The following ARMH4 variants were observed in gnomAD, a reference collection of about 807,000 sequenced individuals.
The protein encoded by ARMH4 is armadillo like helical domain containing 4.
A neutral mutation model predicts 61.9 loss-of-function variants in ARMH4; 49 were observed. The ratio of observed to expected loss-of-function variants is 0.79; its 90% confidence interval spans 0.63 to 1.00. The LOEUF is 1.00. Ranked by LOEUF, ARMH4 falls within the 50% of genes least tolerant of loss-of-function variation. The pLI is 0.00. For missense variants in ARMH4, 934 were observed against 930.0 expected (o/e 1.00, Z -0.06); for synonymous variants, 368 against 341.5 (o/e 1.08, Z -0.85).
chr14:58,061,675 T>A (rs909866552), intron 5 of ARMH4, among the ~76,000 whole-genome samples: 5 of 152,134 alleles, frequency 3.3e-5, no homozygotes, highest in African/African-American at 1.2e-4. Context: ...CGTGTGGGGT[T>A]TTTTGCAGCA....
chr14:58,090,196 T>A (rs999570053), intron 5 of ARMH4, among the ~76,000 whole-genome samples: 10 of 152,154 alleles, frequency 6.6e-5, no homozygotes, highest in African/African-American at 2.4e-4. Context: ...AACCAATAGA[T>A]TTATCCACCT....
At chr14:58,006,083 G>A (rs1210947270) in intron 6 of ARMH4, among the ~76,000 whole-genome samples, 2 of 152,100 alleles carry the variant, frequency 1.3e-5, no homozygotes, top group Admixed American at 6.6e-5. Context: ...GATGATCCCT[G>A]GACTTGAGTA....
intron 3 of ARMH4, among the ~76,000 whole-genome samples, chr14:58,132,462 C>A (rs1398690483): frequency 8.1e-6 from 1 of 123,174 alleles, no homozygotes; most frequent in Non-Finnish European, 1.6e-5. Context: ...TTCACCTCAT[C>A]CCCCCCGGCT....
Position 58,139,206 on chromosome 14 carries a change from G to T in ARMH4, c.153C>A (p.Asn51Lys). 2 of 1,614,208 alleles carry T rather than the reference G, an allele frequency of 1.2e-6. No homozygotes were observed. Among genetic ancestry groups the T allele is most frequent in the Non-Finnish European group, 1.7e-6 (2 of 1,180,024 alleles). ...CAGAGCTATTTTCTAGGTCATCGGT[G>T]TTCATCTTATCGGACTGCCCTTTTT... ...HAEKGQSDKM[N>K]TDDLENSSVT... Residue 51 changes from asparagine to lysine, a missense_variant, in exon 2 of 8, where the codon AAC becomes AAA. Asn to Lys is a moderately conservative substitution (Grantham distance 94). Transcript: ENST00000267485.
At chr14:58,140,055 G>C (rs945201140) in intron 1 of ARMH4, among the ~76,000 whole-genome samples, 1 of 151,166 alleles carries the variant, frequency 6.6e-6, no homozygotes, top group African/African-American at 2.4e-5. Flanking sequence ...GATCACCTGA[G>C]GTCAGGAGTT....
chr14:58,030,895 C>A (rs1369036696), intron 5 of ARMH4, among the ~76,000 whole-genome samples: 1 of 152,138 alleles, frequency 6.6e-6, no homozygotes. Context: ...CTCGGGGTAC[C>A]TCCACATTGC....
At chr14:58,021,739 G>A (rs1396928263) in intron 5 of ARMH4, among the ~76,000 whole-genome samples, 2 of 152,190 alleles carry the variant, frequency 1.3e-5, no homozygotes, top group Admixed American at 6.5e-5. Context: ...GACAGGTAGG[G>A]AATGGTCAGA....
rs569616325 is a variant in ARMH4 at position 58,086,294 on chromosome 14, G to A, written c.2089+10430C>T. Among the ~76,000 whole-genome samples, 7 of 152,286 alleles carry A rather than the reference G, an allele frequency of 4.6e-5. No homozygotes were observed. In the East Asian group the frequency reaches 1.2e-3, roughly 25 times the overall value. On this transcript the variant is annotated intron_variant, in intron 5 of 7. Transcript: ENST00000267485. ...TCCAAAAATAAAAAATAAAATGTTA[G>A]GTGATGTTCTGGAAAAAACTAGCCT...
intron 4 of ARMH4, among the ~76,000 whole-genome samples, chr14:58,124,884 C>T (rs1886845644): frequency 6.6e-6 from 1 of 152,194 alleles, no homozygotes; most frequent in South Asian, 2.1e-4. Flanking sequence ...ATAGCCCTCA[C>T]TTGGGCACTA....
chr14:58,047,222 C>A (rs185324749), intron 5 of ARMH4, among the ~76,000 whole-genome samples: 2 of 152,270 alleles, frequency 1.3e-5, no homozygotes, highest in African/African-American at 4.8e-5. Context: ...GAAAAGTTGT[C>A]CAAATAATCC....
rs761973064 is a variant in ARMH4, at chr14:58,138,729, C to G, written c.630G>C (p.Val210=). Residue 210 remains valine, a synonymous_variant, in exon 2 of 8, where the codon GTG becomes GTC. Coordinates refer to ENST00000267485, the MANE Select transcript of ARMH4 (RefSeq NM_001001872.4). Reference sequence around the variant, plus strand: ...TGGTGGTTAGCATTTCCTTAGTATTCACATAGGATGAAGGTGAATGTCCCA... The same window carrying G: ...TGGTGGTTAGCATTTCCTTAGTATTGACATAGGATGAAGGTGAATGTCCCA... The part of the protein sequence containing the change: ...VGLGHSPSSY[V]NTKEMLTTNP... The G allele has an allele frequency of 6.2e-7, 1 of 1,614,112 alleles. No individual in the cohort carries two copies. Among genetic ancestry groups the G allele is most frequent in the Non-Finnish European group, 8.5e-7 (1 of 1,180,040 alleles).
intron 5 of ARMH4, among the ~76,000 whole-genome samples, chr14:58,024,875 C>T (rs1422945966): frequency 2.0e-5 from 3 of 152,126 alleles, no homozygotes; most frequent in Admixed American, 2.0e-4. Context: ...CACACAACAT[C>T]TATCAATTAA....
intron 5 of ARMH4, among the ~76,000 whole-genome samples, chr14:58,068,747 C>T (rs1043653239): frequency 6.6e-6 from 1 of 152,136 alleles, no homozygotes; most frequent in Non-Finnish European, 1.5e-5. Flanking sequence ...TGGCTCACAC[C>T]TGTAATCCCA....
At chr14:58,008,388 TA>T (rs1882265040) in intron 6 of ARMH4, among the ~76,000 whole-genome samples, 2 of 152,346 alleles carry the variant, frequency 1.3e-5, no homozygotes, top group South Asian at 4.1e-4. Context: ...AATTTTAAAT[TA>T]TTTCCAAATA....
chr14:58,123,487 G>A (rs12895481), intron 4 of ARMH4, among the ~76,000 whole-genome samples: 60,645 of 151,918 alleles, frequency 0.4, 13,860 homozygotes, highest in Non-Finnish European at 0.53. Context: ...CCAATTTTAG[G>A]AGTACAGAAA....
chr14:58,041,373 A>C (rs185503893), intron 5 of ARMH4, among the ~76,000 whole-genome samples: 67 of 152,282 alleles, frequency 4.4e-4, no homozygotes, highest in Non-Finnish European at 8.4e-4. Context: ...GAAATAAAAT[A>C]CTTTACAGAC....
At chr14:58,018,416 C>T (rs1882694806) in intron 5 of ARMH4, among the ~76,000 whole-genome samples, 1 of 149,674 alleles carries the variant, frequency 6.7e-6, no homozygotes, top group Non-Finnish European at 1.5e-5. Flanking sequence ...TGAACTCATA[C>T]AACTGAATAG....
chr14:58,043,764 A>C (rs982200753), intron 5 of ARMH4, among the ~76,000 whole-genome samples: 1 of 152,240 alleles, frequency 6.6e-6, no homozygotes, highest in African/African-American at 2.4e-5. Context: ...AAGTGTTAGG[A>C]TACAAAATCA....
chr14:58,076,070 AAGG>A (rs1885035382), intron 5 of ARMH4, among the ~76,000 whole-genome samples: 1 of 144,628 alleles, frequency 6.9e-6, no homozygotes, highest in Non-Finnish European at 1.5e-5. Context: ...AGGAAGAAGA[AAGG>A]AGGAGAAAGA....
Sources: allele counts gnomAD v4.1 joint callset (sites outside exome capture counted in the v4.1 genomes callset), GRCh38; gene constraint gnomAD v4.1.1; transcripts MANE v1.5; gene names NCBI Gene and HGNC (gene_info 2026-07-23, HGNC 2026-07-21).